The following SLC25A26 variants were observed in gnomAD, a reference collection of about 807,000 sequenced individuals.
SLC25A26 encodes mitochondrial S-adenosylmethionine carrier protein.
A neutral mutation model predicts 37.8 loss-of-function variants in SLC25A26; 36 were observed. The ratio of observed to expected loss-of-function variants is 0.95; its 90% confidence interval spans 0.73 to 1.26. SLC25A26 has a LOEUF of 1.26. Ranked by LOEUF, SLC25A26 falls within the 50% of genes most tolerant of loss-of-function variation. SLC25A26 has a pLI of 0.00. For missense variants in SLC25A26, 390 were observed against 331.1 expected, an observed-to-expected ratio of 1.18 and a Z score of -1.38; for synonymous variants, 129 against 122.5, an observed-to-expected ratio of 1.05 and a Z score of -0.35.
chr3:66,249,306 C>T (rs962964567), intron 3 of SLC25A26, among the ~76,000 whole-genome samples: 1 of 152,158 alleles, frequency 6.6e-6, no homozygotes, highest in Non-Finnish European at 1.5e-5. Flanking sequence ...CTGACAAGGC[C>T]GTTGGACCCC....
chr3:66,362,740 G>C (rs1175160004), intron 6 of SLC25A26, 120 bp from the exon 7 acceptor site: 3 of 582,468 alleles, frequency 5.2e-6, no homozygotes, highest in Non-Finnish European at 5.9e-6. Context: ...TATGTCATCA[G>C]TAAAGAATGC....
chr3:66,177,994 T>A (rs558275754), intron 1 of SLC25A26, among the ~76,000 whole-genome samples: 1 of 152,270 alleles, frequency 6.6e-6, no homozygotes, highest in Non-Finnish European at 1.5e-5. Context: ...CTGTAAGAGA[T>A]GGGTGACTTC....
chr3:66,166,909 T>C lies in SLC25A26; in HGVS notation c.-354+32925T>C, dbSNP rs553686581. Among the ~76,000 whole-genome samples, 3 of 152,268 alleles carry C rather than the reference T, an allele frequency of 2.0e-5. No homozygotes were observed. In the South Asian group the frequency reaches 6.2e-4, roughly 32 times the overall value. ...GACCCAGTTGTGGGAGGTAATTGAA[T>C]CATGGGGGCGGGTATTTCCTGTGCT... On this transcript the variant is annotated intron_variant, in intron 1 of 10. Transcript: ENST00000676754.
At chr3:66,332,220 G>A (rs2107683414) in intron 5 of SLC25A26, among the ~76,000 whole-genome samples, 1 of 152,212 alleles carries the variant, frequency 6.6e-6, no homozygotes, top group Non-Finnish European at 1.5e-5. Context: ...TTACAGGCGT[G>A]AGCCACCACA....
At chr3:66,169,026 G>A (rs543042947) in intron 1 of SLC25A26, among the ~76,000 whole-genome samples, 1 of 152,304 alleles carries the variant, frequency 6.6e-6, no homozygotes, top group Admixed American at 6.5e-5. Context: ...TTGGGAGGCT[G>A]AGGCAGGAAG....
At chr3:66,234,802 A>G (rs2072196446) in intron 1 of SLC25A26, among the ~76,000 whole-genome samples, 1 of 152,234 alleles carries the variant, frequency 6.6e-6, no homozygotes, top group African/African-American at 2.4e-5. Flanking sequence ...GTATGTTTGA[A>G]TAATACTGAT....
At chr3:66,199,142 C>A (rs1364607132) in intron 1 of SLC25A26, among the ~76,000 whole-genome samples, 1 of 151,884 alleles carries the variant, frequency 6.6e-6, no homozygotes, top group African/African-American at 2.4e-5. Context: ...ACCCTTGTAC[C>A]TTACTTGACC....
chr3:66,227,375 G>A (rs1395603238), intron 1 of SLC25A26, among the ~76,000 whole-genome samples: 2 of 151,990 alleles, frequency 1.3e-5, no homozygotes, highest in South Asian at 2.1e-4. Context: ...TTGTTCATCA[G>A]TTTTCTGTCT....
chr3:66,241,260 G>C (rs1188092242), intron 2 of SLC25A26, among the ~76,000 whole-genome samples: 3 of 152,020 alleles, frequency 2.0e-5, no homozygotes, highest in African/African-American at 4.8e-5. Flanking sequence ...CTGAGGTGTG[G>C]ATTGGGCATT....
At position 66,221,210 on chromosome 3, in the gene SLC25A26, C is replaced by T. The variant is rs980351991; in HGVS notation, c.33+83C>T. 1.2e-5 allele frequency: 17 copies of T among 1,403,534 alleles called. No homozygotes were observed. In the African/African-American group the frequency reaches 2.1e-4, roughly 17 times the overall value. The allele number at this position is 1,403,534 out of a possible 1,614,324, so 86.9% of individuals were successfully genotyped here. On this transcript the variant is annotated intron_variant, in intron 1 of 9. Transcript: ENST00000354883. ...CGCGGGCGTTCTCTGCACTGGTTTT[C>T]TTCCGGTTTTGCGGGCTGGACTGTC...
intron 3 of SLC25A26, among the ~76,000 whole-genome samples, chr3:66,246,649 A>C (rs570197178): frequency 6.6e-6 from 1 of 152,188 alleles, no homozygotes; most frequent in Non-Finnish European, 1.5e-5. Flanking sequence ...TGGAGATACA[A>C]CAGATAAGGA....
At chr3:66,357,290 C>T (rs1012174765) in intron 6 of SLC25A26, among the ~76,000 whole-genome samples, 2 of 152,142 alleles carry the variant, frequency 1.3e-5, no homozygotes, top group Non-Finnish European at 2.9e-5. Context: ...GGCCCTTGCC[C>T]ATAGTCCCAG....
chr3:66,358,771 C>G (rs982604791), intron 6 of SLC25A26, among the ~76,000 whole-genome samples: 4 of 152,216 alleles, frequency 2.6e-5, no homozygotes, highest in South Asian at 4.2e-4. Context: ...GAATTACAGG[C>G]GTGAGCCACA....
chr3:66,303,395 GC>G (rs1395419698), intron 5 of SLC25A26, among the ~76,000 whole-genome samples: 2 of 152,210 alleles, frequency 1.3e-5, no homozygotes, highest in African/African-American at 2.4e-5. Context: ...CTGCTCGTTA[GC>G]CCTGTGAACC....
At chr3:66,310,134 A>T (rs2075336262) in intron 5 of SLC25A26, among the ~76,000 whole-genome samples, 1 of 152,198 alleles carries the variant, frequency 6.6e-6, no homozygotes, top group South Asian at 2.1e-4. Context: ...GTGGAAGTCT[A>T]AGTTTCTTTG....
intron 1 of SLC25A26, among the ~76,000 whole-genome samples, chr3:66,154,189 C>T (rs1011462674): frequency 3.9e-5 from 6 of 152,112 alleles, no homozygotes; most frequent in African/African-American, 1.4e-4. Context: ...TTCAGCCATC[C>T]ACCCTGTCTC....
At chr3:66,338,587 T>C (rs1202284930) in intron 5 of SLC25A26, among the ~76,000 whole-genome samples, 2 of 152,178 alleles carry the variant, frequency 1.3e-5, no homozygotes, top group East Asian at 1.9e-4. Flanking sequence ...AAGTGTAAGA[T>C]TCAGTATCAT....
chr3:66,136,886 A>G (rs2069954364), intron 1 of SLC25A26, among the ~76,000 whole-genome samples: 1 of 152,236 alleles, frequency 6.6e-6, no homozygotes, highest in Non-Finnish European at 1.5e-5. Flanking sequence ...TCTCCCTTTC[A>G]TAACAAAGAG....
chr3:66,262,058 G>T lies in SLC25A26; in HGVS notation c.308G>T (p.Cys103Phe). The change falls in exon 4 of 10, where the codon TGC becomes TTC. Residue 103 changes from cysteine (C) to phenylalanine (F), a missense_variant. Transcript: ENST00000354883. The part of the protein sequence containing the change: ...LAASAGEVVA[C>F]LIRVPSEVVK... ...ATCAAATTTGTCTTTTAGGTTGCCT[G>T]CCTGATTCGAGTTCCATCTGAAGTG... 2 of 1,570,498 alleles carry T rather than the reference G, an allele frequency of 1.3e-6. No homozygotes were observed. Among genetic ancestry groups the T allele is most frequent in the Non-Finnish European group, 8.6e-7 (1 of 1,156,326 alleles).
Sources: gnomAD v4.1 joint callset for allele counts (sites outside exome capture counted in the v4.1 genomes callset) on GRCh38, gnomAD v4.1.1 for gene constraint, MANE v1.5 for transcripts, NCBI Gene and HGNC (gene_info 2026-07-23, HGNC 2026-07-21) for gene names.